Variants in NKIRAS1 observed in about 807,000 individuals in gnomAD.
NKIRAS1 encodes the protein NFKB inhibitor interacting Ras like 1.
In NKIRAS1, 16 loss-of-function variants were observed where a neutral mutation model predicts 19.8. The observed-to-expected ratio is 0.81, with a 90% CI of 0.55 to 1.23. The LOEUF (loss-of-function observed/expected upper bound fraction) is 1.23. Ranked by LOEUF, NKIRAS1 falls within the 50% of genes most tolerant of loss-of-function variation. The probability of loss-of-function intolerance (pLI) is 0.00; values close to 1 mark genes in which losing one functional copy is unlikely to be tolerated. For synonymous variants in NKIRAS1, 88 were observed against 79.0 expected (o/e 1.11, Z -0.61); for missense variants, 184 against 220.0 (o/e 0.84, Z 1.04).
rs570185368 is a variant in NKIRAS1, at chr3:23,926,258, G to C, written c.-139-14808C>G. On this transcript the variant is annotated intron_variant, in intron 1 of 4. Coordinates refer to the NKIRAS1 transcript ENST00000421515. This position sits in a 1 kb window ranked among gnomAD's most constrained non-coding sequence, Gnocchi z 4.3. ...GTAGAGACAGGGTTTCGCCGTGTTG[G>C]CCAGGCTGGTCTCAAACGCCTGACC... Among the ~76,000 whole-genome samples the C allele has an allele frequency of 1.3e-5, 2 of 152,240 alleles. No individual in the cohort carries two copies. Among genetic ancestry groups the C allele is most frequent in the Admixed American group, 1.3e-4 (2 of 15,288 alleles).
At chr3:23,914,813 C>G (rs982021940) in intron 1 of NKIRAS1, among the ~76,000 whole-genome samples, 1 of 152,226 alleles carries the variant, frequency 6.6e-6, no homozygotes, top group African/African-American at 2.4e-5. Flanking sequence ...ATTCACACTA[C>G]TAGAATTGTT....
chr3:23,909,978 C>T (rs1252805752), intron 3 of NKIRAS1, among the ~76,000 whole-genome samples: 1 of 150,748 alleles, frequency 6.6e-6, no homozygotes, highest in Non-Finnish European at 1.5e-5. Flanking sequence ...CCTACCTCAA[C>T]CTCCTGAGTA....
Position 23,912,900 on chromosome 3 carries a change from C to A in NKIRAS1, c.-139-1450G>T, listed in dbSNP as rs1189381951. Among the ~76,000 whole-genome samples the A allele has an allele frequency of 3.3e-5, 5 of 151,982 alleles. No homozygotes were observed. The East Asian group carries it at 9.7e-4, about 29-fold the overall frequency. Reference sequence around the variant, plus strand: ...TTGGGAGGCCAAGGTGGGCGGATCACGAGGTCAGGAGATTGAGACCATCCT... The same window carrying A: ...TTGGGAGGCCAAGGTGGGCGGATCAAGAGGTCAGGAGATTGAGACCATCCT... On this transcript the variant is annotated intron_variant, in intron 1 of 4. Transcript: ENST00000425478.
At chr3:23,946,026 C>CGG (rs1181643001) in intron 1 of NKIRAS1, 1 of 822,494 alleles carries the variant, frequency 1.2e-6, no homozygotes, top group African/African-American at 1.9e-5. Context: ...CACGTGGGGG[C>CGG]GGGGGCGCGC....
chr3:23,893,428 T>G, intron 4 of NKIRAS1, 91 bp from the exon 5 acceptor site: 2 of 1,074,828 alleles, frequency 1.9e-6, no homozygotes. Flanking sequence ...TTGTTCCACT[T>G]AACAAACCTG....
At chr3:23,898,114 G>A (rs756752406) in intron 4 of NKIRAS1, among the ~76,000 whole-genome samples, 5 of 152,030 alleles carry the variant, frequency 3.3e-5, no homozygotes, top group Non-Finnish European at 7.4e-5. Flanking sequence ...GGTCTCTGGA[G>A]GATACCCAAG....
chr3:23,929,338 T>G (rs1317441683), intron 1 of NKIRAS1, among the ~76,000 whole-genome samples: 1 of 152,076 alleles, frequency 6.6e-6, no homozygotes, highest in African/African-American at 2.4e-5. Flanking sequence ...CATTCCAGCT[T>G]GGGCCACAGA....
chr3:23,919,181 T>G (rs1444951429), upstream of NKIRAS1: 2 of 1,601,992 alleles, frequency 1.2e-6, no homozygotes, highest in African/African-American at 2.7e-5. Context: ...CCTTGGGCCT[T>G]TTTTCCTATT....
intron 1 of NKIRAS1, among the ~76,000 whole-genome samples, chr3:23,941,108 T>C (rs1705488271): frequency 6.6e-6 from 1 of 152,242 alleles, no homozygotes. Flanking sequence ...GAAAAGGCAA[T>C]TTAAGTGGCA....
At chr3:23,931,149 C>T (rs1337155471) in intron 1 of NKIRAS1, among the ~76,000 whole-genome samples, 7 of 152,150 alleles carry the variant, frequency 4.6e-5, no homozygotes. Context: ...GGCTCTAATA[C>T]CGTAAACAGT....
chr3:23,921,659 C>CT, upstream of NKIRAS1: 1 of 651,020 alleles, frequency 1.5e-6, no homozygotes, highest in Non-Finnish European at 2.8e-6. Flanking sequence ...ACTGCAACCT[C>CT]TGTCTCCCGG....
upstream of NKIRAS1, chr3:23,918,696 G>T: frequency 8.3e-7 from 1 of 1,199,034 alleles, no homozygotes; most frequent in Non-Finnish European, 1.2e-6. Context: ...CAGGGTTTGT[G>T]ATTTTTACTA....
chr3:23,924,445 C>T (rs542884965), intron 1 of NKIRAS1: 59 of 152,302 alleles, frequency 3.9e-4, no homozygotes, highest in African/African-American at 1.3e-3. Context: ...GTCTCTGTCA[C>T]CCAGGCTGGA....
intron 4 of NKIRAS1, among the ~76,000 whole-genome samples, chr3:23,893,953 C>T (rs896719511): frequency 3.4e-5 from 5 of 146,672 alleles, no homozygotes; most frequent in Admixed American, 2.0e-4. Flanking sequence ...AGTTTGGCTA[C>T]ACTTGATGTA....
At chr3:23,918,164 T>C (rs1704781164), upstream of NKIRAS1, 1 of 1,165,192 alleles carries the variant, frequency 8.6e-7, no homozygotes, top group Non-Finnish European at 1.2e-6. Flanking sequence ...CTAGCAACAC[T>C]GGTCAGTTAC....
intron 1 of NKIRAS1, chr3:23,916,119 G>C (rs1396409633): frequency 1.3e-5 from 2 of 151,784 alleles, no homozygotes; most frequent in Non-Finnish European, 2.9e-5. Flanking sequence ...GATTTAAAAA[G>C]AAAGAAAGAA....
rs75935265 is a variant in NKIRAS1 at position 23,895,622 on chromosome 3, A to C, written c.337-2285T>G. Among the ~76,000 whole-genome samples the C allele has an allele frequency of 4.5e-3, 681 of 152,314 alleles. 2 individuals carry two copies. The highest frequency in any genetic ancestry group is 7.4e-3 in the Non-Finnish European group (505 of 68,030). ...ACTCTGTGCCTACACCATTTAGCTG[A>C]ATATGGCTGGAGAAAAACATACAAC... On this transcript the variant is annotated intron_variant, in intron 4 of 4. Coordinates refer to ENST00000425478, the MANE Select transcript of NKIRAS1 (RefSeq NM_020345.4).
upstream of NKIRAS1, chr3:23,918,772 A>C: frequency 1.5e-6 from 1 of 665,534 alleles, no homozygotes; most frequent in Non-Finnish European, 2.5e-6. Context: ...ATATACTGGA[A>C]GTACTTGTGG....
intron 1 of NKIRAS1, among the ~76,000 whole-genome samples, chr3:23,931,547 T>C (rs566379474): frequency 6.6e-6 from 1 of 152,298 alleles, no homozygotes; most frequent in East Asian, 1.9e-4. Context: ...ATTTGTCTCC[T>C]TAGCATCACC....
Sources: gnomAD v4.1 joint callset for allele counts (sites outside exome capture counted in the v4.1 genomes callset) on GRCh38, gnomAD v4.1.1 for gene constraint, Gnocchi (gnomAD v3.1) non-coding constraint, MANE v1.5 for transcripts, NCBI Gene and HGNC (gene_info 2026-07-23, HGNC 2026-07-21) for gene names.